Variants in ANO1 observed in about 807,000 individuals in gnomAD.
ANO1 encodes anoctamin-1.
Under a neutral mutation model 124.0 loss-of-function variants are expected in ANO1, and 59 were observed. The observed-to-expected ratio is 0.48, with a 90% confidence interval of 0.39 to 0.59. The LOEUF (loss-of-function observed/expected upper bound fraction) is 0.59, where lower values mean the gene tolerates loss of function less well. ANO1 is among the 20% of genes least tolerant of loss of function. ANO1 has a pLI of 0.00. For missense variants in ANO1, 1,059 were observed against 1,328.0 expected (o/e 0.80, Z 3.15); for synonymous variants, 529 against 532.0 (o/e 0.99, Z 0.08).
rs551375486 is a variant in ANO1 at position 70,150,824 on chromosome 11, G to T, written c.1341+1032G>T. ...TGTAATGTAGACATTTCTTTCTAAAGATATTTTTCTTTTAAAGGCCTTTTT... is the reference window on the plus strand; with the variant it reads ...TGTAATGTAGACATTTCTTTCTAAATATATTTTTCTTTTAAAGGCCTTTTT... On this transcript the variant is annotated intron_variant, in intron 12 of 25. Transcript: ENST00000355303. Among the ~76,000 whole-genome samples the T allele has an allele frequency of 3.3e-5, 5 of 151,844 alleles. No homozygotes were observed. In the South Asian group the frequency reaches 1.0e-3, roughly 32 times the overall value.
In ANO1 at chr11:70,122,032, C is replaced by T. The variant is rs572403140; in HGVS notation, c.898-2318C>T. 2.4e-4 allele frequency among the ~76,000 whole-genome samples: 34 copies of T among 141,756 alleles called. 1 individual carries two copies. The highest frequency in any genetic ancestry group is 7.6e-4 in the African/African-American group (29 of 37,912). 93.0% of individuals were successfully genotyped at this position (141,756 alleles called of 152,430 possible). On this transcript the variant is annotated intron_variant, in intron 8 of 25. Coordinates refer to ENST00000355303, the MANE Select transcript of ANO1 (RefSeq NM_018043.7). ...TCTCTGTCTCTCTCTCCATCTCCCC[C>T]GCCTCTCTCTGTCTCTCTGTCTCTG... is the stretch of plus-strand genomic sequence containing the variant.
chr11:70,153,110 A>C lies in ANO1; in HGVS notation c.1407A>C (p.Lys469Asn), dbSNP rs1246077701. The stretch of plus-strand genomic sequence containing the variant: ...GAGTCTTGGAGAAGTCTCTGAAGAA[A>C]GAGTCCAGAAACAAAGAGGTATGGT... ...EARVLEKSLK[K>N]ESRNKEKRRH... is the part of the protein sequence containing the mutation. Residue 469 changes from lysine (K) to asparagine (N), a missense_variant, in exon 14 of 26, where the codon AAA (lysine) becomes AAC (asparagine). By Grantham distance (94) the Lys-to-Asn change is moderately conservative. This residue lies in a region of ANO1 where 809 missense variants were observed against 1,094.9 expected (regional missense o/e 0.74). Transcript: ENST00000355303. The C allele has an allele frequency of 6.2e-7, 1 of 1,606,324 alleles. No individual in the cohort carries two copies. The highest frequency in any genetic ancestry group is 1.1e-5 in the South Asian group (1 of 89,026).
At chr11:70,025,995 A>G (rs1311509712) in intron 1 of ANO1, among the ~76,000 whole-genome samples, 9 of 134,118 alleles carry the variant, frequency 6.7e-5, no homozygotes, top group Non-Finnish European at 1.1e-4. Context: ...AGTGGTGGTG[A>G]TGATGATGAT....
rs2276068 is a variant in ANO1 at position 70,161,378 on chromosome 11, C to G, written c.1780+16C>G. 0.52 allele frequency: 842,588 copies of G among 1,611,890 alleles called. 223,894 individuals carry two copies. Among genetic ancestry groups the G allele is most frequent in the East Asian group, 0.76 (33,899 of 44,858 alleles). On this transcript the variant is annotated intron_variant, in intron 17 of 25. Coordinates refer to ENST00000355303, the MANE Select transcript of ANO1 (RefSeq NM_018043.7). ...ACCAAGATCGGTGAGTGCCCATGTTCCAGGTACTGTGGCCTGGACTCAGGC... is the reference window on the plus strand; with the variant it reads ...ACCAAGATCGGTGAGTGCCCATGTTGCAGGTACTGTGGCCTGGACTCAGGC...
upstream of ANO1, among the ~76,000 whole-genome samples, chr11:69,982,851 C>T (rs905496341): frequency 2.6e-5 from 4 of 152,164 alleles, no homozygotes; most frequent in Admixed American, 6.5e-5. Flanking sequence ...AGAGCCAAGC[C>T]GAACTGAAAA....
intron 1 of ANO1, among the ~76,000 whole-genome samples, 168 bp downstream of exon 1, chr11:70,078,882 C>G (rs1305039946): frequency 6.6e-6 from 1 of 151,044 alleles, no homozygotes; most frequent in Non-Finnish European, 1.5e-5. Context: ...GAAGGGCGCG[C>G]CGGCCCTGGC....
At chr11:69,991,735 C>G (rs1554997522) in intron 1 of ANO1, among the ~76,000 whole-genome samples, 1 of 152,188 alleles carries the variant, frequency 6.6e-6, no homozygotes, top group Admixed American at 6.5e-5. Flanking sequence ...TACAGTGTAT[C>G]CACAATTCCA....
At chr11:70,146,850 C>T (rs1267779718) in intron 11 of ANO1, among the ~76,000 whole-genome samples, 2 of 152,272 alleles carry the variant, frequency 1.3e-5, no homozygotes, top group East Asian at 1.9e-4. Context: ...AGATGAAGGC[C>T]GGAAGACTCA....
chr11:70,181,197 C>A (rs1050502092), intron 23 of ANO1, among the ~76,000 whole-genome samples: 3 of 152,232 alleles, frequency 2.0e-5, no homozygotes, highest in African/African-American at 7.2e-5. Context: ...CAATCCTCCC[C>A]GCCAAAAGTT....
At chr11:70,162,870 C>T (rs913820439) in intron 18 of ANO1, among the ~76,000 whole-genome samples, 1 of 152,372 alleles carries the variant, frequency 6.6e-6, no homozygotes, top group East Asian at 1.9e-4. Context: ...CCACCTGCCC[C>T]AGCTGCCCAA....
the ANO1 span, among the ~76,000 whole-genome samples, chr11:69,975,892 T>A: frequency 6.2e-4 from 94 of 152,286 alleles, no homozygotes; most frequent in Non-Finnish European, 1.1e-3. Flanking sequence ...CACACATAGG[T>A]GGGGACAAAA....
At chr11:70,001,768 A>G (rs1856385803) in intron 1 of ANO1, among the ~76,000 whole-genome samples, 1 of 129,814 alleles carries the variant, frequency 7.7e-6, no homozygotes, top group African/African-American at 2.7e-5. Flanking sequence ...TGACACTTCA[A>G]TAAGATGTGT....
intron 8 of ANO1, among the ~76,000 whole-genome samples, chr11:70,120,981 T>C (rs2046239434): frequency 6.6e-6 from 1 of 152,180 alleles, no homozygotes; most frequent in Non-Finnish European, 1.5e-5. Flanking sequence ...TTTCTTTGCC[T>C]TGACAGTGCA....
At chr11:70,111,560 C>T (rs566458617) in intron 6 of ANO1, 147 bp from the exon 7 acceptor site, 6 of 718,616 alleles carry the variant, frequency 8.3e-6, no homozygotes, top group Non-Finnish European at 1.5e-5. Context: ...GAAGAAACCC[C>T]AGAGGTGGCC....
chr11:70,062,179 C>A (rs551981223), intron 1 of ANO1, among the ~76,000 whole-genome samples: 1 of 144,422 alleles, frequency 6.9e-6, no homozygotes, highest in Non-Finnish European at 1.5e-5. Context: ...GAGGTTCAAG[C>A]GATTCTCCTG....
chr11:70,162,984 G>C (rs989621999), intron 18 of ANO1, among the ~76,000 whole-genome samples: 4 of 152,236 alleles, frequency 2.6e-5, no homozygotes, highest in African/African-American at 9.6e-5. Flanking sequence ...TCTTCAGGCC[G>C]GGTGGTCTTT....
intron 18 of ANO1, among the ~76,000 whole-genome samples, chr11:70,162,531 C>A (rs1025922347): frequency 2.0e-5 from 3 of 152,156 alleles, no homozygotes; most frequent in Admixed American, 2.0e-4. Context: ...AGGAGTGAAA[C>A]CTTCCACGCC....
chr11:70,125,859 A>G (rs931770437), intron 9 of ANO1, among the ~76,000 whole-genome samples: 92 of 151,064 alleles, frequency 6.1e-4, no homozygotes, highest in East Asian at 7.8e-4. Flanking sequence ...AAAACAAAAA[A>G]AGAGAGAAGA....
intron 19 of ANO1, 189 bp from the exon 20 acceptor site, chr11:70,165,281 A>T (rs2048209760): frequency 1.7e-6 from 1 of 603,318 alleles, no homozygotes; most frequent in Non-Finnish European, 3.0e-6. Context: ...AAACACCCTG[A>T]CTTGACTACA....
Sources: allele counts gnomAD v4.1 joint callset (sites outside exome capture counted in the v4.1 genomes callset), GRCh38; gene constraint gnomAD v4.1.1; regional missense constraint gnomAD v4.1.1; transcripts MANE v1.5; gene names NCBI Gene and HGNC (gene_info 2026-07-23, HGNC 2026-07-21).